Variants in PRLR observed in about 807,000 individuals in gnomAD.
PRLR encodes hPRL receptor.
Under a neutral mutation model 40.2 loss-of-function variants are expected in PRLR, and 13 were observed. That is an observed-to-expected ratio of 0.32 (90% CI 0.21 to 0.51). The LOEUF is 0.51. Ranked by LOEUF, PRLR falls within the 20% of genes least tolerant of loss-of-function variation. The pLI, the probability that PRLR is intolerant of heterozygous loss-of-function variation, is 0.97. For missense variants in PRLR, 656 were observed against 747.3 expected (o/e 0.88, Z 1.42); for synonymous variants, 269 against 278.7 (o/e 0.97, Z 0.35).
At chr5:35,099,940 G>C (rs1391466292) in intron 2 of PRLR, among the ~76,000 whole-genome samples, 1 of 152,050 alleles carries the variant, frequency 6.6e-6, no homozygotes, top group African/African-American at 2.4e-5. Flanking sequence ...ACTTTGGGAG[G>C]CTGAAGCGGG....
At chr5:35,110,804 C>A (rs1047204959) in intron 2 of PRLR, among the ~76,000 whole-genome samples, 1 of 152,130 alleles carries the variant, frequency 6.6e-6, no homozygotes, top group Non-Finnish European at 1.5e-5. Context: ...GTTTCAGAAA[C>A]AATAGGAATT....
intron 1 of PRLR, among the ~76,000 whole-genome samples, chr5:35,229,382 C>G (rs1776635792): frequency 6.6e-6 from 1 of 152,086 alleles, no homozygotes. Flanking sequence ...CATAGAATCC[C>G]CTACGTTGCT....
intron 1 of PRLR, among the ~76,000 whole-genome samples, chr5:35,192,687 A>G (rs764620543): frequency 6.6e-6 from 1 of 152,208 alleles, no homozygotes; most frequent in Non-Finnish European, 1.5e-5. Flanking sequence ...GAACAAGAAA[A>G]TAAGATGGGA....
chr5:35,092,616 G>C (rs534724878), intron 2 of PRLR, among the ~76,000 whole-genome samples: 1 of 152,094 alleles, frequency 6.6e-6, no homozygotes, highest in Admixed American at 6.5e-5. Flanking sequence ...GGCAGGCGTG[G>C]CCCTTCTTAT....
At chr5:35,137,875 C>T (rs75215367) in intron 1 of PRLR, among the ~76,000 whole-genome samples, 4,725 of 152,244 alleles carry the variant, frequency 0.031, 90 homozygotes, top group Non-Finnish European at 0.045. Flanking sequence ...GCAGAGGTTG[C>T]AGTAAGCAGA....
intron 1 of PRLR, among the ~76,000 whole-genome samples, chr5:35,154,529 A>T (rs939396525): frequency 6.6e-6 from 1 of 152,296 alleles, no homozygotes; most frequent in East Asian, 1.9e-4. Flanking sequence ...GAAGGCTTTT[A>T]TGCTGTTGGT....
At chr5:35,128,195 T>G (rs181633187) in intron 1 of PRLR, among the ~76,000 whole-genome samples, 108 of 151,792 alleles carry the variant, frequency 7.1e-4, no homozygotes, top group African/African-American at 2.5e-3. Context: ...TCCATTGAAT[T>G]GTATACAGTT....
downstream of PRLR, among the ~76,000 whole-genome samples, chr5:35,052,985 T>C (rs1002131689): frequency 1.3e-5 from 2 of 152,248 alleles, no homozygotes; most frequent in Non-Finnish European, 2.9e-5. Context: ...TAAATTTGTA[T>C]GCCTTTTCTC....
At chr5:35,112,955 C>T (rs1772753148) in intron 2 of PRLR, among the ~76,000 whole-genome samples, 1 of 152,144 alleles carries the variant, frequency 6.6e-6, no homozygotes, top group South Asian at 2.1e-4. Flanking sequence ...GCAATTCATA[C>T]TCCCAGAGCA....
At chr5:35,117,803 C>T (rs539284910) in intron 2 of PRLR, among the ~76,000 whole-genome samples, 2 of 152,320 alleles carry the variant, frequency 1.3e-5, no homozygotes, top group South Asian at 2.1e-4. Flanking sequence ...GATTGCACCA[C>T]TAGGAGATAT....
chr5:35,089,527 A>G (rs1771071152), intron 3 of PRLR, 24 bp downstream of exon 3: 1 of 1,531,562 alleles, frequency 6.5e-7, no homozygotes, highest in Non-Finnish European at 9.1e-7. Context: ...GCAATGAAAG[A>G]GAGCGTGATA....
chr5:35,066,918 C>T (rs1273473147), intron 9 of PRLR, among the ~76,000 whole-genome samples: 2 of 152,074 alleles, frequency 1.3e-5, no homozygotes, highest in African/African-American at 2.4e-5. Context: ...CGCCCACCAC[C>T]ACGCCTGGCT....
chr5:35,133,279 A>C (rs1773743995), intron 1 of PRLR, among the ~76,000 whole-genome samples: 1 of 152,118 alleles, frequency 6.6e-6, no homozygotes, highest in South Asian at 2.1e-4. Flanking sequence ...TCTTGCCTCC[A>C]TAATCGTGTG....
intron 1 of PRLR, among the ~76,000 whole-genome samples, chr5:35,219,576 G>A (rs1055740405): frequency 6.6e-6 from 1 of 152,218 alleles, no homozygotes; most frequent in African/African-American, 2.4e-5. Context: ...TCTGACAGCA[G>A]GAAGGCCTTG....
Position 35,193,171 on chromosome 5 carries a change from T to C in PRLR, c.-106+37097A>G, listed in dbSNP as rs556245429. Among the ~76,000 whole-genome samples, 3 of 152,288 alleles carry C rather than the reference T, an allele frequency of 2.0e-5. No individual in the cohort carries two copies. The East Asian group carries it at 5.8e-4, about 29-fold the overall frequency. On this transcript the variant is annotated intron_variant, in intron 1 of 9. Transcript: ENST00000618457. ...ACTGCCCCCATCTCTACCATCTGTG[T>C]CTGTGTATAGTGACCCTCAACTCCC... is the stretch of plus-strand genomic sequence containing the variant.
At chr5:35,156,989 T>C (rs1156573823) in intron 1 of PRLR, among the ~76,000 whole-genome samples, 4 of 151,996 alleles carry the variant, frequency 2.6e-5, no homozygotes, top group Non-Finnish European at 2.9e-5. Context: ...ATTTAGCTCC[T>C]AATTCAGAGC....
At chr5:35,119,502 T>C (rs1579693820) in intron 1 of PRLR, among the ~76,000 whole-genome samples, 1 of 152,220 alleles carries the variant, frequency 6.6e-6, no homozygotes, top group East Asian at 1.9e-4. Flanking sequence ...ACAAGGGCCA[T>C]CTGAGCATAA....
intron 1 of PRLR, among the ~76,000 whole-genome samples, chr5:35,188,630 A>G (rs1355313112): frequency 6.6e-6 from 1 of 152,174 alleles, no homozygotes; most frequent in East Asian, 1.9e-4. Context: ...TACTCCTTGC[A>G]CCTTTTAGCT....
intron 5 of PRLR, among the ~76,000 whole-genome samples, chr5:35,083,210 C>G (rs545017463): frequency 6.6e-6 from 1 of 152,096 alleles, no homozygotes; most frequent in African/African-American, 2.4e-5. Context: ...AACTGAGGTA[C>G]AACAACCATG....
Sources: allele counts gnomAD v4.1 joint callset (sites outside exome capture counted in the v4.1 genomes callset), GRCh38; gene constraint gnomAD v4.1.1; transcripts MANE v1.5; gene names NCBI Gene and HGNC (gene_info 2026-07-23, HGNC 2026-07-21).